Variants in SPECC1 observed in about 807,000 individuals in gnomAD.
The protein encoded by SPECC1 is cytospin-B.
A neutral mutation model predicts 104.1 loss-of-function variants in SPECC1; 62 were observed. That is an observed-to-expected ratio of 0.60 (90% confidence interval 0.49 to 0.74). SPECC1 has a LOEUF of 0.74. SPECC1 is among the 30% of genes least tolerant of loss of function. The pLI, the probability that SPECC1 is intolerant of heterozygous loss-of-function variation, is 0.00. For synonymous variants in SPECC1, 513 were observed against 501.6 expected, an observed-to-expected ratio of 1.02 and a Z score of -0.30; for missense variants, 1,306 against 1,310.5, an observed-to-expected ratio of 1.00 and a Z score of 0.05.
chr17:20,259,909 A>G (rs936520681), intron 11 of SPECC1, among the ~76,000 whole-genome samples: 40 of 152,224 alleles, frequency 2.6e-4, no homozygotes, highest in African/African-American at 8.9e-4. Flanking sequence ...ACTGTACTTA[A>G]GTAAACAAAT....
chr17:20,193,681 A>G (rs1032524997), intron 3 of SPECC1, among the ~76,000 whole-genome samples: 6 of 152,234 alleles, frequency 3.9e-5, no homozygotes, highest in Non-Finnish European at 7.3e-5. Context: ...CTTGTCCTGT[A>G]TTCCTACACA....
chr17:20,110,475 G>A lies in SPECC1; in HGVS notation c.196G>A (p.Ala66Thr), dbSNP rs754935719. ...EDTLNKPGSTAASGVVRLKKT... is the reference protein window; with the variant it reads ...EDTLNKPGSTTASGVVRLKKT... ...CACGCTCAACAAGCCAGGAAGTACC[G>A]CTGCATCGGGGGTGGTTCGCCTGAA... Residue 66 changes from alanine (A) to threonine (T), a missense_variant, in exon 3 of 15, where the codon GCT (alanine) becomes ACT (threonine). Physicochemically the swap from Ala to Thr is moderately conservative, Grantham distance 58 (BLOSUM62 0). This residue lies in a region of SPECC1 where 1,177 missense variants were observed against 1,139.9 expected (regional missense o/e 1.03). Coordinates refer to ENST00000395527, the MANE Select transcript of SPECC1 (RefSeq NM_001243439.2). 9.3e-6 allele frequency: 15 copies of A among 1,613,962 alleles called. No homozygotes were observed. Among genetic ancestry groups the A allele is most frequent in the Admixed American group, 5.0e-5 (3 of 60,012 alleles).
At chr17:20,088,515 T>A (rs1356307187) in intron 1 of SPECC1, among the ~76,000 whole-genome samples, 2 of 152,118 alleles carry the variant, frequency 1.3e-5, no homozygotes, top group Admixed American at 6.5e-5. Context: ...GGTTTAGAGC[T>A]GGGAGTATCT....
intron 1 of SPECC1, among the ~76,000 whole-genome samples, chr17:20,043,562 G>C (rs1024836949): frequency 6.6e-6 from 1 of 151,988 alleles, no homozygotes; most frequent in Non-Finnish European, 1.5e-5. Context: ...TCTTGAAATT[G>C]TTCCACGCGG....
At chr17:20,113,097 T>A in intron 3 of SPECC1, 2 of 666,576 alleles carry the variant, frequency 3.0e-6, no homozygotes, top group Non-Finnish European at 5.4e-6. Flanking sequence ...GTAAGGAAGT[T>A]AAAAAAAAAT....
intron 7 of SPECC1, among the ~76,000 whole-genome samples, chr17:20,235,111 T>C (rs1344912944): frequency 6.6e-6 from 1 of 152,234 alleles, no homozygotes; most frequent in African/African-American, 2.4e-5. Context: ...TTGAGGTCTC[T>C]TTAAGCTCTG....
At chr17:20,264,308 C>T (rs1567591895) in intron 12 of SPECC1, among the ~76,000 whole-genome samples, 1 of 151,942 alleles carries the variant, frequency 6.6e-6, no homozygotes, top group South Asian at 2.1e-4. Context: ...TTGCTTGATG[C>T]TGAGGCTTGA....
chr17:20,293,125 C>G (rs1322385729), intron 12 of SPECC1, among the ~76,000 whole-genome samples: 1 of 152,146 alleles, frequency 6.6e-6, no homozygotes, highest in African/African-American at 2.4e-5. Flanking sequence ...AGATATTTGA[C>G]CAACCTTATT....
At chr17:20,094,453 C>A (rs1392763261) in intron 1 of SPECC1, among the ~76,000 whole-genome samples, 1 of 152,146 alleles carries the variant, frequency 6.6e-6, no homozygotes, top group Non-Finnish European at 1.5e-5. Flanking sequence ...TAACCAAGGA[C>A]TTAGACTCCT....
chr17:20,240,271 A>G (rs1423305153), intron 7 of SPECC1, among the ~76,000 whole-genome samples: 2 of 151,416 alleles, frequency 1.3e-5, no homozygotes, highest in Non-Finnish European at 2.9e-5. Context: ...TCTTCTAAGA[A>G]TTACTAGTTT....
At chr17:20,209,531 T>A (rs1437040260) in intron 4 of SPECC1, among the ~76,000 whole-genome samples, 1 of 149,168 alleles carries the variant, frequency 6.7e-6, no homozygotes, top group East Asian at 2.0e-4. Context: ...GTAGGATTTC[T>A]ACACTATCTT....
chr17:20,172,188 T>C (rs1473354733), intron 3 of SPECC1, among the ~76,000 whole-genome samples: 2 of 152,156 alleles, frequency 1.3e-5, no homozygotes, highest in African/African-American at 4.8e-5. Context: ...TCTGTTGCTT[T>C]CTTGTACCAC....
At chr17:20,111,108 G>T (rs990531659) in intron 3 of SPECC1, among the ~76,000 whole-genome samples, 2 of 152,116 alleles carry the variant, frequency 1.3e-5, no homozygotes, top group African/African-American at 4.8e-5. Context: ...TTATATTTGA[G>T]TTCAGAGCAT....
intron 1 of SPECC1, among the ~76,000 whole-genome samples, chr17:20,078,339 T>C (rs1248798720): frequency 1.3e-5 from 2 of 151,372 alleles, no homozygotes; most frequent in Non-Finnish European, 2.9e-5. Flanking sequence ...AGCAATCAAC[T>C]AGAAAAAACA....
At chr17:20,036,377 G>A (rs115000479) in intron 1 of SPECC1, among the ~76,000 whole-genome samples, 2,227 of 152,122 alleles carry the variant, frequency 0.015, 62 homozygotes, top group African/African-American at 0.05. Flanking sequence ...TTTTCTGCTC[G>A]CCTCAGCCTC....
At chr17:20,182,632 TA>T (rs545256830) in intron 3 of SPECC1, among the ~76,000 whole-genome samples, 1 of 152,188 alleles carries the variant, frequency 6.6e-6, no homozygotes, top group Non-Finnish European at 1.5e-5. Flanking sequence ...AGAATGTTTT[TA>T]AAAAAACTGA....
chr17:20,148,170 T>TG (rs1156569647), intron 3 of SPECC1, among the ~76,000 whole-genome samples: 1 of 152,216 alleles, frequency 6.6e-6, no homozygotes, highest in Non-Finnish European at 1.5e-5. Flanking sequence ...TGAATATATA[T>TG]GTATTAGAGT....
intron 9 of SPECC1, among the ~76,000 whole-genome samples, chr17:20,253,092 C>T (rs1313192413): frequency 2.0e-5 from 3 of 151,480 alleles, no homozygotes; most frequent in African/African-American, 7.3e-5. Context: ...TGGCGTGTCA[C>T]TGTGGTTTTG....
chr17:20,075,751 G>C (rs2046735298), intron 1 of SPECC1, among the ~76,000 whole-genome samples: 1 of 152,106 alleles, frequency 6.6e-6, no homozygotes, highest in Non-Finnish European at 1.5e-5. Flanking sequence ...TTCAAGACCA[G>C]CCTGGGCAGC....
Sources: allele counts gnomAD v4.1 joint callset (sites outside exome capture counted in the v4.1 genomes callset), GRCh38; gene constraint gnomAD v4.1.1; regional missense constraint gnomAD v4.1.1; transcripts MANE v1.5; gene names NCBI Gene and HGNC (gene_info 2026-07-23, HGNC 2026-07-21).